Variants in DUSP29 observed in about 807,000 individuals in gnomAD.
The protein encoded by DUSP29 is dual specificity phosphatase 29.
DUSP29 carries 12 observed loss-of-function variants against 13.5 expected under a neutral mutation model. The ratio of observed to expected loss-of-function variants is 0.89; its 90% CI spans 0.57 to 1.44. DUSP29 has a LOEUF of 1.44. DUSP29 is among the 40% of genes most tolerant of loss of function. The pLI is 0.00. For synonymous variants in DUSP29, 134 were observed against 128.7 expected, an observed-to-expected ratio of 1.04 and a Z score of -0.28; for missense variants, 308 against 301.1, an observed-to-expected ratio of 1.02 and a Z score of -0.17.
At chr10:75,069,290 C>A (rs1012834984) in intron 1 of DUSP29, among the ~76,000 whole-genome samples, 16 of 152,188 alleles carry the variant, frequency 1.1e-4, no homozygotes, top group African/African-American at 3.4e-4. Context: ...GATGGACTTT[C>A]TCGAGCGGCC....
intron 1 of DUSP29, among the ~76,000 whole-genome samples, chr10:75,072,612 G>A (rs546894748): frequency 6.6e-6 from 1 of 152,164 alleles, no homozygotes; most frequent in East Asian, 1.9e-4. Context: ...ATGAGAACAA[G>A]GAGGGATCAC....
chr10:75,069,063 T>G (rs1281440484), intron 1 of DUSP29, among the ~76,000 whole-genome samples: 2 of 152,214 alleles, frequency 1.3e-5, no homozygotes, highest in Non-Finnish European at 2.9e-5. Context: ...AGAAGAGCCT[T>G]CATTTTAAAA....
chr10:75,059,547 C>T (rs1847043267), intron 1 of DUSP29, among the ~76,000 whole-genome samples: 1 of 152,138 alleles, frequency 6.6e-6, no homozygotes. Flanking sequence ...TTAATCTTAA[C>T]AACACTGAGA....
At chr10:75,068,315 T>G (rs376680697) in intron 1 of DUSP29, among the ~76,000 whole-genome samples, 1 of 151,716 alleles carries the variant, frequency 6.6e-6, no homozygotes, top group Admixed American at 6.6e-5. Flanking sequence ...CTACAAAAGA[T>G]AGAGAAAAAA....
intron 1 of DUSP29, among the ~76,000 whole-genome samples, chr10:75,060,020 T>G (rs1192400861): frequency 6.6e-6 from 1 of 151,022 alleles, no homozygotes; most frequent in Non-Finnish European, 1.5e-5. Flanking sequence ...ATTAGCCGGG[T>G]GTAGTGGCGG....
intron 3 of DUSP29, 132 bp downstream of exon 3, chr10:75,043,665 G>A (rs1846632793): frequency 1.1e-6 from 1 of 898,486 alleles, no homozygotes; most frequent in African/African-American, 1.7e-5. Flanking sequence ...GGAAACCTTG[G>A]GCTAAGGGCG....
chr10:75,067,415 C>T (rs1157697721), intron 1 of DUSP29, among the ~76,000 whole-genome samples: 1 of 152,200 alleles, frequency 6.6e-6, no homozygotes, highest in Non-Finnish European at 1.5e-5. Flanking sequence ...CCCCCCTCCC[C>T]ACCCCATCCC....
At chr10:75,050,624 G>A (rs1025116965) in intron 2 of DUSP29, among the ~76,000 whole-genome samples, 1 of 152,244 alleles carries the variant, frequency 6.6e-6, no homozygotes, top group South Asian at 2.1e-4. Flanking sequence ...CCCATAGTTG[G>A]TGGCCACCCA....
At chr10:75,038,108 C>T in intron 3 of DUSP29, 31 bp from the exon 4 acceptor site, 2 of 1,596,316 alleles carry the variant, frequency 1.3e-6, no homozygotes, top group South Asian at 1.1e-5. Context: ...AGAAAACCCA[C>T]ACTGAGGGGC....
chr10:75,054,457 TAAAAG>T (rs1846912660), intron 2 of DUSP29, among the ~76,000 whole-genome samples: 2 of 152,230 alleles, frequency 1.3e-5, no homozygotes, highest in South Asian at 4.2e-4. Flanking sequence ...TAAGAAGTAA[TAAAAG>T]AAAATGTTTA....
At chr10:75,054,964 C>T (rs1387979025) in intron 2 of DUSP29, among the ~76,000 whole-genome samples, 1 of 152,062 alleles carries the variant, frequency 6.6e-6, no homozygotes, top group East Asian at 1.9e-4. Flanking sequence ...CTCAGCCCCC[C>T]AAGTAGCTGG....
chr10:75,068,565 C>A (rs4745762), intron 1 of DUSP29, among the ~76,000 whole-genome samples: 72,829 of 151,690 alleles, frequency 0.48, 19,695 homozygotes, highest in East Asian at 0.79. Context: ...TAAAGCATGG[C>A]GCTCATGGGG....
chr10:75,046,643 A>T (rs985241219), intron 2 of DUSP29, among the ~76,000 whole-genome samples: 2 of 152,232 alleles, frequency 1.3e-5, no homozygotes, highest in Non-Finnish European at 2.9e-5. Flanking sequence ...GGAGGTGGGG[A>T]GTCCCACTGA....
intron 2 of DUSP29, among the ~76,000 whole-genome samples, chr10:75,052,817 G>T (rs1461909860): frequency 6.6e-6 from 1 of 152,260 alleles, no homozygotes; most frequent in Non-Finnish European, 1.5e-5. Context: ...TGACCAGGAG[G>T]CTGTGCCAGA....
Position 75,073,561 on chromosome 10 carries a change from G to A in DUSP29, c.-35+8C>T, listed in dbSNP as rs919773196. ...AGGGGTGCCGGCCTCCCCACCCAGC[G>A]GCCTTACCTGGGTGTGCCGGGGCCT... On this transcript the variant is annotated splice_region_variant and intron_variant, in intron 1 of 3. Transcript: ENST00000338487. 6.6e-6 allele frequency among the ~76,000 whole-genome samples: 1 copy of A among 152,310 alleles called. No homozygotes were observed. Among genetic ancestry groups the A allele is most frequent in the Admixed American group, 6.5e-5 (1 of 15,304 alleles).
Position 75,055,061 on chromosome 10 carries a change from C to A in DUSP29, c.200+3254G>T, listed in dbSNP as rs1293427557. Among the ~76,000 whole-genome samples, 4 of 152,278 alleles carry A rather than the reference C, an allele frequency of 2.6e-5. No individual in the cohort carries two copies. The East Asian group carries it at 7.7e-4, about 29-fold the overall frequency. Reference sequence around the variant, plus strand: ...CTTGCTATATTGCTCAGGCTACTTGCAAACTCCTGGGCTCAAGCAATCCTC... The same window carrying A: ...CTTGCTATATTGCTCAGGCTACTTGAAAACTCCTGGGCTCAAGCAATCCTC... On this transcript the variant is annotated intron_variant, in intron 2 of 3. Coordinates refer to ENST00000338487, the MANE Select transcript of DUSP29 (RefSeq NM_001003892.3).
At chr10:75,062,080 G>T (rs1847100166) in intron 1 of DUSP29, among the ~76,000 whole-genome samples, 1 of 152,216 alleles carries the variant, frequency 6.6e-6, no homozygotes, top group Non-Finnish European at 1.5e-5. Flanking sequence ...CAGGAAGGAA[G>T]AAATTATTTT....
In DUSP29 at chr10:75,058,347, G is replaced by T. The variant is rs138302188; in HGVS notation, c.168C>A (p.Asn56Lys). The T allele has an allele frequency of 6.2e-7, 1 of 1,614,148 alleles. No homozygotes were observed. The highest frequency in any genetic ancestry group is 8.5e-7 in the Non-Finnish European group (1 of 1,180,022). Residue 56 changes from asparagine to lysine, a missense_variant, in exon 2 of 4, where the codon AAC (asparagine) becomes AAA (lysine). Physicochemically the swap from Asn to Lys is moderately conservative, Grantham distance 94. Coordinates refer to ENST00000338487, the MANE Select transcript of DUSP29 (RefSeq NM_001003892.3). ...CAATGTAGAGCTTGGGCCAGACCTC[G>T]TTGACGTGGGTGTACTGGGGACTGC... Reference protein sequence around the residue: ...WKGSPQYTHVNEVWPKLYIGD... With the variant: ...WKGSPQYTHVKEVWPKLYIGD...
At chr10:75,039,905 C>T (rs780149871) in intron 3 of DUSP29, among the ~76,000 whole-genome samples, 3 of 152,110 alleles carry the variant, frequency 2.0e-5, no homozygotes, top group East Asian at 1.9e-4. Flanking sequence ...ATCGGCTGGG[C>T]GTGGTGGCTC....
Sources: gnomAD v4.1 joint callset for allele counts (sites outside exome capture counted in the v4.1 genomes callset) on GRCh38, gnomAD v4.1.1 for gene constraint, MANE v1.5 for transcripts, NCBI Gene and HGNC (gene_info 2026-07-23, HGNC 2026-07-21) for gene names.